RP1: variants seen among roughly 807,000 people sequenced by gnomAD.
The protein encoded by RP1 is RP1 axonemal microtubule associated.
In RP1, 16 loss-of-function variants were observed where a neutral mutation model predicts 14.8. That is an observed-to-expected ratio of 1.08 (90% CI 0.73 to 1.65). The LOEUF is 1.65. Among genes scored for constraint, RP1 ranks in the 40% most tolerant of loss-of-function variants. RP1 has a pLI of 0.00. For synonymous variants in RP1, 876 were observed against 883.6 expected (o/e 0.99, Z 0.15); for missense variants, 2,631 against 2,535.0 (o/e 1.04, Z -0.81).
intron 24 of RP1, among the ~76,000 whole-genome samples, chr8:54,789,270 C>T (rs1182763584): frequency 6.6e-6 from 1 of 152,210 alleles, no homozygotes; most frequent in Non-Finnish European, 1.5e-5. Context: ...GTGGTACTGT[C>T]TGGCTAGAGA....
At chr8:54,634,179 A>G (rs1254620670), downstream of RP1, among the ~76,000 whole-genome samples, 8 of 152,298 alleles carry the variant, frequency 5.3e-5, no homozygotes, top group East Asian at 1.2e-3. Flanking sequence ...AAGGTATTAA[A>G]GGATAATTGT....
exon 19 of RP1, chr8:54,739,020 C>T (rs1281614511): frequency 1.3e-6 from 2 of 1,530,356 alleles, no homozygotes; most frequent in Non-Finnish European, 8.7e-7. Flanking sequence ...CCGAGTGGAA[C>T]TTGCAGAGGG....
At chr8:54,710,655 G>C (rs2129346522) in intron 15 of RP1, among the ~76,000 whole-genome samples, 1 of 152,260 alleles carries the variant, frequency 6.6e-6, no homozygotes, top group East Asian at 1.9e-4. Flanking sequence ...GAAAGTCGCT[G>C]TCAGCGGAGA....
chr8:54,869,919 G>C, exon 29 of RP1: 1 of 1,231,400 alleles, frequency 8.1e-7, no homozygotes, highest in South Asian at 4.1e-5. Flanking sequence ...TGCAGTAGGA[G>C]AGACTGGGTC....
chr8:54,585,896 G>A (rs924327086), intron 1 of RP1, among the ~76,000 whole-genome samples: 9 of 152,118 alleles, frequency 5.9e-5, no homozygotes, highest in East Asian at 1.9e-4. Context: ...TTAGCCATTC[G>A]TCTAATTTAT....
At chr8:54,807,607 T>C (rs77675038) in intron 24 of RP1, among the ~76,000 whole-genome samples, 3,913 of 152,284 alleles carry the variant, frequency 0.026, 69 homozygotes, top group Non-Finnish European at 0.039. Flanking sequence ...AGAATGTGTG[T>C]GCATCTCTAT....
chr8:54,609,815 A>G (rs556596385), intron 1 of RP1, among the ~76,000 whole-genome samples: 5 of 152,092 alleles, frequency 3.3e-5, no homozygotes, highest in Non-Finnish European at 5.9e-5. Flanking sequence ...GCTGAGACAT[A>G]CACCTCTGTT....
chr8:54,751,375 A>G (rs1220462162), intron 19 of RP1, among the ~76,000 whole-genome samples: 2 of 152,102 alleles, frequency 1.3e-5, no homozygotes, highest in Admixed American at 1.3e-4. Flanking sequence ...CATGTTTGTG[A>G]TGGTTTGTTT....
At chr8:54,568,771 A>G (rs891592669) in intron 1 of RP1, among the ~76,000 whole-genome samples, 2 of 152,248 alleles carry the variant, frequency 1.3e-5, no homozygotes, top group Non-Finnish European at 2.9e-5. Flanking sequence ...TGAGGATCTT[A>G]TCTCTCCAGT....
chr8:54,755,024 A>T (rs1278815385), intron 20 of RP1: 2 of 1,316,988 alleles, frequency 1.5e-6, no homozygotes, highest in Non-Finnish European at 2.0e-6. Flanking sequence ...TAGTTACAGA[A>T]TATTTTTCCT....
At position 54,621,124 on chromosome 8, in the gene RP1, TG is replaced by T; in HGVS notation, c.160del (p.Val54TrpfsTer27). Reference sequence around the variant, plus strand: ...GACCCCCAATTCGGCGGGGTCAGGGTGGTGGTCAACCCTCGCTCCTTTAAGT... The same window carrying T: ...GACCCCCAATTCGGCGGGGTCAGGGTGTGGTCAACCCTCGCTCCTTTAAGT... ...SGDPQFGGVR[V>X]VVNPRSFKSF... is the part of the protein sequence containing the mutation. On this transcript the variant is annotated frameshift_variant, in exon 2 of 4. Coordinates refer to ENST00000220676, the MANE Select transcript of RP1 (RefSeq NM_006269.2). LOFTEE classifies it high-confidence loss of function. 3 of 1,613,966 alleles carry T rather than the reference TG, an allele frequency of 1.9e-6. No homozygotes were observed. The South Asian group carries it at 3.3e-5, about 18-fold the overall frequency.
At chr8:54,828,218 C>T (rs1046522346) in intron 24 of RP1, among the ~76,000 whole-genome samples, 1 of 152,072 alleles carries the variant, frequency 6.6e-6, no homozygotes, top group Non-Finnish European at 1.5e-5. Flanking sequence ...ATATATAAAC[C>T]AGTAGCATAG....
At chr8:54,728,619 A>G (rs1336023914) in intron 17 of RP1, among the ~76,000 whole-genome samples, 1 of 152,182 alleles carries the variant, frequency 6.6e-6, no homozygotes, top group Non-Finnish European at 1.5e-5. Context: ...CATCTACATC[A>G]AAAGGGCAAG....
chr8:54,825,030 C>T (rs897549330), intron 24 of RP1, among the ~76,000 whole-genome samples: 1 of 151,724 alleles, frequency 6.6e-6, no homozygotes, highest in African/African-American at 2.4e-5. Flanking sequence ...AGTGCAGTGG[C>T]GCGATCTCCG....
chr8:54,829,222 G>A (rs1427325716), intron 24 of RP1, among the ~76,000 whole-genome samples: 1 of 152,106 alleles, frequency 6.6e-6, no homozygotes, highest in Admixed American at 6.5e-5. Flanking sequence ...TTCTAGATAG[G>A]AAGTGGATTT....
chr8:54,838,302 A>G (rs769303520), intron 25 of RP1, among the ~76,000 whole-genome samples: 5 of 152,122 alleles, frequency 3.3e-5, no homozygotes, highest in Non-Finnish European at 5.9e-5. Context: ...AACTCACCCA[A>G]TGTCTTAATT....
At chr8:54,601,437 G>T (rs1488826126) in intron 1 of RP1, among the ~76,000 whole-genome samples, 12 of 147,726 alleles carry the variant, frequency 8.1e-5, no homozygotes, top group African/African-American at 2.0e-4. Flanking sequence ...TTGGGGGAGG[G>T]GGGAGGGATA....
chr8:54,789,039 G>A (rs892621812), intron 24 of RP1, among the ~76,000 whole-genome samples: 1 of 152,188 alleles, frequency 6.6e-6, no homozygotes, highest in Admixed American at 6.5e-5. Context: ...ATTTTGGGGT[G>A]CTTCATGGGA....
At chr8:54,783,993 C>A (rs138554955) in intron 24 of RP1, among the ~76,000 whole-genome samples, 106 of 152,168 alleles carry the variant, frequency 7.0e-4, no homozygotes, top group African/African-American at 2.4e-3. Context: ...ACTACTAATC[C>A]TATTGTCAAG....
Sources: gnomAD v4.1 joint callset for allele counts (sites outside exome capture counted in the v4.1 genomes callset) on GRCh38, gnomAD v4.1.1 for gene constraint, MANE v1.5 for transcripts, NCBI Gene and HGNC (gene_info 2026-07-23, HGNC 2026-07-21) for gene names.